The following DDO variants were observed in gnomAD, a reference collection of about 807,000 sequenced individuals.
The protein encoded by DDO is D-aspartate oxidase, DDO.
In DDO, 16 loss-of-function variants were observed where a neutral mutation model predicts 16.8. That is an observed-to-expected ratio of 0.95 (90% CI 0.65 to 1.45). The LOEUF (loss-of-function observed/expected upper bound fraction) is 1.45, where lower values mean the gene tolerates loss of function less well. Among genes scored for constraint, DDO ranks in the 40% most tolerant of loss-of-function variants. DDO has a pLI of 0.00. For missense variants in DDO, 429 were observed against 420.3 expected (o/e 1.02, Z -0.18); for synonymous variants, 180 against 167.2 (o/e 1.08, Z -0.59).
chr6:110,388,816 A>G (rs920042606), downstream of DDO: 28 of 982,222 alleles, frequency 2.9e-5, no homozygotes, highest in Non-Finnish European at 3.1e-5. Flanking sequence ...CATGTTCAGA[A>G]AAAAATAAAA....
At position 110,392,593 on chromosome 6, in the gene DDO, C is replaced by T. The variant is rs1346576431; in HGVS notation, c.*182G>A. 9 of 1,257,618 alleles carry T rather than the reference C, an allele frequency of 7.2e-6. No homozygotes were observed. Among genetic ancestry groups the T allele is most frequent in the South Asian group, 3.5e-5 (1 of 28,206 alleles). 77.9% of individuals were successfully genotyped at this position (1,257,618 alleles called of 1,614,324 possible). A position where few individuals can be genotyped will look rare whatever the true frequency, so the allele number is the denominator to read the frequency against. ...CCTGGGCTCAACAATCCTCCTGCCT[C>T]AGCCTCTCAAGTAGCTGGGACTATA... On this transcript the variant is annotated 3_prime_UTR_variant, in exon 5 of 5. Transcript: ENST00000368924.
chr6:110,411,264 A>ACTCAGAAATTCCCATCTG (rs1299220413), intron 2 of DDO, among the ~76,000 whole-genome samples: 1 of 152,086 alleles, frequency 6.6e-6, no homozygotes, highest in Admixed American at 6.5e-5. Flanking sequence ...CTGTGCAAAC[A>ACTCAGAAATTCCCATCTG]CTCAGAAATT....
rs778718857 is a variant in DDO, at chr6:110,393,064, G to A, written c.737C>T (p.Pro246Leu). The A allele has an allele frequency of 1.1e-5, 18 of 1,613,136 alleles. No homozygotes were observed. Among genetic ancestry groups the A allele is most frequent in the South Asian group, 4.4e-5 (4 of 91,084 alleles). Residue 246 changes from proline (P) to leucine (L), a missense_variant, in exon 5 of 5, where the codon CCG becomes CTG. Pro to Leu is a moderately conservative substitution (Grantham distance 98). Transcript: ENST00000368924. ...AATCTCTCTGCTATTTTCTGCATCC[G>A]GGGACAGATTCCAGTCCCCTTTTTG... ...TRQKGDWNLS[P>L]DAENSREILS... is the part of the protein sequence containing the mutation.
intron 2 of DDO, among the ~76,000 whole-genome samples, chr6:110,409,158 T>G (rs1464307159): frequency 6.6e-6 from 1 of 152,056 alleles, no homozygotes; most frequent in Admixed American, 6.5e-5. Context: ...GCACATGGGG[T>G]TGGACCCAGA....
At chr6:110,395,681 AAAT>A (rs888441552) in intron 4 of DDO, among the ~76,000 whole-genome samples, 1 of 152,170 alleles carries the variant, frequency 6.6e-6, no homozygotes, top group Admixed American at 6.5e-5. Flanking sequence ...ATGTGAAGGA[AAAT>A]AATAAAAAAG....
chr6:110,398,406 A>ACC (rs2114815429), intron 4 of DDO, among the ~76,000 whole-genome samples: 1 of 148,680 alleles, frequency 6.7e-6, no homozygotes, highest in Non-Finnish European at 1.5e-5. Context: ...ACACACACAC[A>ACC]CACACACACA....
intron 2 of DDO, among the ~76,000 whole-genome samples, chr6:110,412,747 G>A (rs1335143864): frequency 6.6e-6 from 1 of 152,242 alleles, no homozygotes; most frequent in Non-Finnish European, 1.5e-5. Flanking sequence ...TCCACATGTA[G>A]TGTGAGCAAG....
downstream of DDO, among the ~76,000 whole-genome samples, chr6:110,389,724 A>C (rs559158686): frequency 3.3e-5 from 5 of 152,328 alleles, no homozygotes; most frequent in Admixed American, 1.3e-4. Context: ...GGTGGGGGCA[A>C]AAATTAGGGA....
intron 2 of DDO, 91 bp from the exon 3 acceptor site, chr6:110,408,533 A>T: frequency 8.5e-7 from 1 of 1,178,618 alleles, no homozygotes; most frequent in East Asian, 2.4e-5. Context: ...AAACTTGGAA[A>T]AAAAATAAGG....
chr6:110,411,659 G>C (rs896285528), intron 2 of DDO, among the ~76,000 whole-genome samples: 3 of 151,974 alleles, frequency 2.0e-5, no homozygotes, highest in Non-Finnish European at 2.9e-5. Flanking sequence ...AAATAGGAGG[G>C]GGACAAAGCT....
intron 4 of DDO, among the ~76,000 whole-genome samples, chr6:110,400,844 C>T (rs72937956): frequency 0.025 from 3,756 of 152,334 alleles, 65 homozygotes; most frequent in Non-Finnish European, 0.039. Context: ...AGCTGGGCAC[C>T]CAGAGGACCC....
At position 110,396,745 on chromosome 6, in the gene DDO, T is replaced by C. The variant is rs76506645; in HGVS notation, c.459-3403A>G. On this transcript the variant is annotated intron_variant, in intron 4 of 4. Transcript: ENST00000368924. ...TTTTATAAGTAAAACTGTTCATAGA[T>C]AAAAAGTACTAAATATAGCAAATTT... 9.0e-3 allele frequency among the ~76,000 whole-genome samples: 1,364 copies of C among 152,292 alleles called. 18 individuals carry two copies. The highest frequency in any genetic ancestry group is 0.029 in the African/African-American group (1,219 of 41,560).
intron 4 of DDO, among the ~76,000 whole-genome samples, chr6:110,394,993 T>A (rs748144493): frequency 1.3e-5 from 2 of 152,206 alleles, no homozygotes; most frequent in Non-Finnish European, 2.9e-5. Flanking sequence ...CCAAGTGGAC[T>A]GGAAGTAAGT....
At chr6:110,399,511 G>C (rs542747617) in intron 4 of DDO, among the ~76,000 whole-genome samples, 162 of 152,066 alleles carry the variant, frequency 1.1e-3, no homozygotes, top group Non-Finnish European at 1.1e-3. Flanking sequence ...GGAGCCCCAG[G>C]TGTCGCCCCC....
downstream of DDO, among the ~76,000 whole-genome samples, chr6:110,388,422 C>T (rs890953896): frequency 2.0e-5 from 3 of 152,192 alleles, no homozygotes; most frequent in Non-Finnish European, 4.4e-5. Flanking sequence ...GTTCCACCAT[C>T]CTTTTCTTCC....
intron 2 of DDO, among the ~76,000 whole-genome samples, chr6:110,410,272 T>C (rs553163967): frequency 1.3e-5 from 2 of 152,338 alleles, no homozygotes; most frequent in Admixed American, 1.3e-4. Context: ...TCGATGGCCC[T>C]ATGAGCCCTC....
intron 3 of DDO, 123 bp downstream of exon 3, chr6:110,408,211 A>G (rs1481784610): frequency 2.4e-6 from 2 of 824,154 alleles, no homozygotes. Flanking sequence ...CTCTTTCCGA[A>G]TCCTCCTGCA....
chr6:110,404,797 G>A lies in DDO; in HGVS notation c.435C>T (p.Ala145=), dbSNP rs150661280. 9.0e-4 allele frequency: 1,445 copies of A among 1,614,144 alleles called. 10 individuals are homozygous for A. In the African/African-American group the frequency reaches 0.018, roughly 20 times the overall value. ...AFTTLKCECP[A]YLPWLEKRIK... is the part of the protein sequence containing the mutation. ...ACCTTTTCTCCAACCACGGGAGGTA[G>A]GCAGGGCATTCACATTTCAGGGTTG... The change falls in exon 4 of 5, where the codon GCC becomes GCT. Residue 145 remains alanine, a synonymous_variant. Transcript: ENST00000368924.
In DDO at chr6:110,392,548, A is replaced by G; in HGVS notation, c.*227T>C. The G allele has an allele frequency of 8.2e-7, 1 of 1,215,278 alleles. No individual in the cohort carries two copies. 75.3% of individuals were successfully genotyped at this position (1,215,278 alleles called of 1,614,324 possible). A position where few individuals can be genotyped will look rare whatever the true frequency, so the allele number is the denominator to read the frequency against. On this transcript the variant is annotated 3_prime_UTR_variant, in exon 5 of 5. Transcript: ENST00000368924. Reference sequence around the variant, plus strand: ...GGAACTGGCACCTCTAAAAAATGTTACCCAGATTGCACTCAAACTCCTGGG... The same window carrying G: ...GGAACTGGCACCTCTAAAAAATGTTGCCCAGATTGCACTCAAACTCCTGGG...
Sources: gnomAD v4.1 joint callset for allele counts (sites outside exome capture counted in the v4.1 genomes callset) on GRCh38, gnomAD v4.1.1 for gene constraint, MANE v1.5 for transcripts, NCBI Gene and HGNC (gene_info 2026-07-23, HGNC 2026-07-21) for gene names.